Variants in RARB observed in about 807,000 individuals in gnomAD.
The protein encoded by RARB is retinoic acid receptor beta, also known as HBV-activated protein.
A neutral mutation model predicts 51.9 loss-of-function variants in RARB; 17 were observed. The observed-to-expected ratio is 0.33, with a 90% CI of 0.22 to 0.49. The LOEUF (loss-of-function observed/expected upper bound fraction) is 0.49. Ranked by LOEUF, RARB falls within the 20% of genes least tolerant of loss-of-function variation. The pLI, the probability that RARB is intolerant of heterozygous loss-of-function variation, is 0.99. For synonymous variants in RARB, 215 were observed against 195.4 expected (o/e 1.10, Z -0.84); for missense variants, 369 against 550.8 (o/e 0.67, Z 3.30).
At chr3:25,327,882 G>A (rs559195342) in intron 5 of RARB, among the ~76,000 whole-genome samples, 1 of 152,224 alleles carries the variant, frequency 6.6e-6, no homozygotes, top group African/African-American at 2.4e-5. Context: ...ATTAAGAGTA[G>A]GTGTATAAGC....
intron 2 of RARB, among the ~76,000 whole-genome samples, chr3:24,891,533 A>T (rs1703377585): frequency 6.6e-6 from 1 of 152,182 alleles, no homozygotes; most frequent in African/African-American, 2.4e-5. Context: ...CATTCAGCAA[A>T]TGTTACCTGT....
intron 7 of RARB, among the ~76,000 whole-genome samples, chr3:25,595,197 AAT>A (rs1701769827): frequency 6.6e-6 from 1 of 152,206 alleles, no homozygotes; most frequent in African/African-American, 2.4e-5. Flanking sequence ...TCAAGCAATT[AAT>A]AGAGGTGCCT....
At position 25,218,413 on chromosome 3, in the gene RARB, A is replaced by C. The variant is rs533077586; in HGVS notation, c.178+43838A>C. 2.0e-5 allele frequency among the ~76,000 whole-genome samples: 3 copies of C among 151,738 alleles called. No homozygotes were observed. The South Asian group carries it at 6.3e-4, about 32-fold the overall frequency. ...CCCAGGGTGCTGCTGTATAGTTCCC[A>C]AGTTGTTCCTTTTCACTTGTGAAAA... On this transcript the variant is annotated intron_variant, in intron 5 of 11. Coordinates refer to the RARB transcript ENST00000383772.
chr3:25,240,769 C>A (rs921744692), intron 5 of RARB, among the ~76,000 whole-genome samples: 3 of 152,086 alleles, frequency 2.0e-5, no homozygotes, highest in African/African-American at 7.2e-5. Context: ...CTGTGTCTAT[C>A]AGGGATATTA....
At chr3:25,280,593 C>G (rs1201851985) in intron 5 of RARB, among the ~76,000 whole-genome samples, 1 of 152,084 alleles carries the variant, frequency 6.6e-6, no homozygotes, top group Non-Finnish European at 1.5e-5. Flanking sequence ...ATTGAAAAAA[C>G]AGTGCCTCCC....
chr3:25,201,947 C>T (rs532532026), intron 5 of RARB, among the ~76,000 whole-genome samples: 3 of 152,194 alleles, frequency 2.0e-5, no homozygotes, highest in South Asian at 2.1e-4. Context: ...ATGCTGGCCT[C>T]GTAAAATGAG....
chr3:25,364,392 A>G (rs1045274782), intron 5 of RARB, among the ~76,000 whole-genome samples: 20 of 152,222 alleles, frequency 1.3e-4, no homozygotes, highest in African/African-American at 4.1e-4. Flanking sequence ...AGTCTGTTGA[A>G]TCCTATGTAC....
intron 2 of RARB, among the ~76,000 whole-genome samples, chr3:25,058,295 T>G (rs1698480701): frequency 6.6e-6 from 1 of 151,904 alleles, no homozygotes; most frequent in South Asian, 2.1e-4. Context: ...TAGTATGCTT[T>G]GCTTTTGTGT....
intron 3 of RARB, among the ~76,000 whole-genome samples, chr3:25,511,197 A>G (rs577071824): frequency 1.3e-5 from 2 of 152,032 alleles, no homozygotes; most frequent in East Asian, 3.9e-4. Context: ...CAGTGGCACG[A>G]TCTCGGCTCA....
chr3:25,461,574 C>G (rs1453208914), intron 2 of RARB, among the ~76,000 whole-genome samples: 2 of 152,114 alleles, frequency 1.3e-5, no homozygotes, highest in African/African-American at 4.8e-5. Flanking sequence ...TTAAATTACC[C>G]CCACATAATA....
intron 5 of RARB, among the ~76,000 whole-genome samples, chr3:25,342,690 C>G (rs1419757228): frequency 1.3e-5 from 2 of 152,204 alleles, no homozygotes; most frequent in Non-Finnish European, 2.9e-5. Flanking sequence ...TAGGTTTTCT[C>G]TTACCTGCAG....
Position 24,991,448 on chromosome 3 carries a change from AAAAAAG to A in RARB, c.-379-68653_-379-68648del, listed in dbSNP as rs561018089. Among the ~76,000 whole-genome samples the A allele has an allele frequency of 3.1e-3, 462 of 151,392 alleles. 6 individuals are homozygous for A. The highest frequency in any genetic ancestry group is 0.016 in the South Asian group (76 of 4,816). Reference sequence around the variant, plus strand: ...ACAAGAGCAAAACTCTGTCTCAAAAAAAAAAGAAAAAGAAAAAGAAAAAGAAAAAAA... The same window carrying A: ...ACAAGAGCAAAACTCTGTCTCAAAAAAAAAAGAAAAAGAAAAAGAAAAAAA... On this transcript the variant is annotated intron_variant, in intron 2 of 11. Transcript: ENST00000383772.
At chr3:24,861,678 C>T (rs935385597) in intron 2 of RARB, among the ~76,000 whole-genome samples, 12 of 151,082 alleles carry the variant, frequency 7.9e-5, no homozygotes, top group African/African-American at 2.9e-4. Flanking sequence ...TTCTGTAGGT[C>T]TTTCTAGTGT....
intron 2 of RARB, among the ~76,000 whole-genome samples, chr3:24,946,931 A>G (rs1160938843): frequency 6.6e-6 from 1 of 152,226 alleles, no homozygotes; most frequent in Non-Finnish European, 1.5e-5. Context: ...ATAGGCATGA[A>G]TCTCAGCATG....
chr3:25,462,603 C>A (rs1264875343), intron 2 of RARB: 1 of 152,204 alleles, frequency 6.6e-6, no homozygotes, highest in Non-Finnish European at 1.5e-5. Context: ...ACAAACCATC[C>A]TAAAACTAAA....
intron 1 of RARB, among the ~76,000 whole-genome samples, chr3:24,829,613 C>T (rs1702253930): frequency 6.6e-6 from 1 of 152,222 alleles, no homozygotes; most frequent in African/African-American, 2.4e-5. Context: ...GCGACCGATC[C>T]CAGGACATCT....
At chr3:25,576,729 C>G (rs1450960636) in intron 4 of RARB, among the ~76,000 whole-genome samples, 1 of 152,208 alleles carries the variant, frequency 6.6e-6, no homozygotes, top group Non-Finnish European at 1.5e-5. Context: ...GAAGCCCTCT[C>G]TAGCCACAGG....
At chr3:25,075,588 T>A (rs1698855672) in intron 3 of RARB, among the ~76,000 whole-genome samples, 1 of 151,966 alleles carries the variant, frequency 6.6e-6, no homozygotes, top group African/African-American at 2.4e-5. Flanking sequence ...TTACTGGAAC[T>A]CTGCTAATTG....
intron 5 of RARB, among the ~76,000 whole-genome samples, chr3:25,592,536 G>A (rs1195227660): frequency 6.6e-6 from 1 of 152,224 alleles, no homozygotes. Context: ...TAATAGGGCA[G>A]TGGAAACATG....
Sources: allele counts gnomAD v4.1 joint callset (sites outside exome capture counted in the v4.1 genomes callset), GRCh38; gene constraint gnomAD v4.1.1; transcripts MANE v1.5; gene names NCBI Gene and HGNC (gene_info 2026-07-23, HGNC 2026-07-21).